Variants in FAR2 observed in about 807,000 individuals in gnomAD.
The protein encoded by FAR2 is epididymis secretory protein Li 81.
In FAR2, 19 loss-of-function variants were observed where a neutral mutation model predicts 56.0. The observed-to-expected ratio is 0.34, with a 90% CI of 0.24 to 0.50. The LOEUF is 0.50. Among genes scored for constraint, FAR2 ranks in the 20% least tolerant of loss-of-function variants. FAR2 has a pLI of 0.98. For synonymous variants in FAR2, 219 were observed against 218.8 expected (o/e 1.00, Z -0.01); for missense variants, 508 against 642.2 (o/e 0.79, Z 2.26).
intron 5 of FAR2, among the ~76,000 whole-genome samples, chr12:29,308,981 A>C (rs1037030721): frequency 6.6e-6 from 1 of 152,098 alleles, no homozygotes; most frequent in Non-Finnish European, 1.5e-5. Flanking sequence ...GCAAAATTCT[A>C]ATTTTTGCAC....
chr12:29,290,082 C>A (rs1377142641), intron 2 of FAR2, among the ~76,000 whole-genome samples: 3 of 152,166 alleles, frequency 2.0e-5, no homozygotes, highest in Non-Finnish European at 4.4e-5. Flanking sequence ...CCCTCATATG[C>A]TGTTGGTAGG....
At chr12:29,309,141 C>A (rs776021493) in intron 5 of FAR2, 45 bp from the exon 6 acceptor site, 1 of 1,432,276 alleles carries the variant, frequency 7.0e-7, no homozygotes, top group Non-Finnish European at 9.8e-7. Context: ...AAAGATAAAA[C>A]AATTTTCTGA....
Position 29,335,074 on chromosome 12 carries a change from A to C in FAR2, c.*1280A>C, listed in dbSNP as rs907188369. On this transcript the variant is annotated 3_prime_UTR_variant, in exon 12 of 12. Transcript: ENST00000536681. Reference sequence around the variant, plus strand: ...TATTCAAATATAGTACTTGGGGCCTAAACAACTAAAATTAGTCACCGCATA... The same window carrying C: ...TATTCAAATATAGTACTTGGGGCCTCAACAACTAAAATTAGTCACCGCATA... 1 of 152,192 alleles carries C rather than the reference A, an allele frequency of 6.6e-6. No individual in the cohort carries two copies. The highest frequency in any genetic ancestry group is 2.4e-5 in the African/African-American group (1 of 41,466). The allele number at this position is 152,192 out of a possible 1,614,324, so 9.4% of individuals were successfully genotyped here.
At chr12:29,248,719 C>T (rs1948165456) in intron 1 of FAR2, among the ~76,000 whole-genome samples, 1 of 152,172 alleles carries the variant, frequency 6.6e-6, no homozygotes, top group Non-Finnish European at 1.5e-5. Context: ...CTATGGGAGA[C>T]TGGGATCTAT....
intron 4 of FAR2, chr12:29,302,156 G>C (rs1949179141): frequency 1.3e-5 from 2 of 149,784 alleles, no homozygotes; most frequent in Non-Finnish European, 2.9e-5. Context: ...CGTGAACCCG[G>C]GAGGCAGAGC....
At chr12:29,301,456 G>A (rs1447161478) in intron 4 of FAR2, among the ~76,000 whole-genome samples, 1 of 152,192 alleles carries the variant, frequency 6.6e-6, no homozygotes, top group African/African-American at 2.4e-5. Context: ...AGCTTATGTA[G>A]AATGTTTATT....
chr12:29,292,898 C>T (rs1442833751), intron 2 of FAR2, among the ~76,000 whole-genome samples: 2 of 152,130 alleles, frequency 1.3e-5, no homozygotes, highest in African/African-American at 4.8e-5. Flanking sequence ...TGGGCACATT[C>T]TCAACAAAGA....
intron 1 of FAR2, among the ~76,000 whole-genome samples, chr12:29,229,360 C>T (rs1321580425): frequency 6.6e-6 from 1 of 152,166 alleles, no homozygotes; most frequent in African/African-American, 2.4e-5. Context: ...GCTTTAAATT[C>T]ATGACCTACC....
intron 10 of FAR2, 59 bp from the exon 11 acceptor site, chr12:29,332,541 G>A: frequency 6.2e-7 from 1 of 1,604,410 alleles, no homozygotes; most frequent in East Asian, 2.2e-5. Context: ...ACCTCAAGTG[G>A]ACAAAGTGAC....
At chr12:29,194,567 A>G (rs933961607) in intron 1 of FAR2, among the ~76,000 whole-genome samples, 1 of 135,452 alleles carries the variant, frequency 7.4e-6, no homozygotes, top group Admixed American at 7.9e-5. Flanking sequence ...ACACCACAGG[A>G]GGGTATGAAG....
intron 1 of FAR2, among the ~76,000 whole-genome samples, chr12:29,240,973 T>A (rs1565484370): frequency 6.6e-6 from 1 of 152,024 alleles, no homozygotes; most frequent in Non-Finnish European, 1.5e-5. Flanking sequence ...ATCCAGCTAG[T>A]TTTTGTATTT....
intron 1 of FAR2, among the ~76,000 whole-genome samples, chr12:29,263,064 A>T (rs1325895833): frequency 6.6e-6 from 1 of 152,250 alleles, no homozygotes; most frequent in African/African-American, 2.4e-5. Flanking sequence ...ATGTCATTAT[A>T]TAATGATAAA....
chr12:29,237,351 G>A (rs1224576943), intron 1 of FAR2, among the ~76,000 whole-genome samples: 5 of 152,162 alleles, frequency 3.3e-5, no homozygotes, highest in Non-Finnish European at 5.9e-5. Context: ...CAAAAGCAAT[G>A]GTGGGTCAAA....
Position 29,324,216 on chromosome 12 carries a change from C to T in FAR2, c.1257+2292C>T, listed in dbSNP as rs138019597. ...TTAGAGAAAAAAGAATAAAAAGAAA[C>T]GACCAAAGCCTCCAAGAAATATGGG... On this transcript the variant is annotated intron_variant, in intron 10 of 11. Transcript: ENST00000536681. Among the ~76,000 whole-genome samples, 407 of 152,180 alleles carry T rather than the reference C, an allele frequency of 2.7e-3. 6 individuals are homozygous for T. The East Asian group carries it at 0.051, about 19-fold the overall frequency.
chr12:29,310,842 T>A (rs1377039554), intron 6 of FAR2, among the ~76,000 whole-genome samples, 186 bp from the exon 7 acceptor site: 2 of 152,184 alleles, frequency 1.3e-5, no homozygotes, highest in Non-Finnish European at 2.9e-5. Flanking sequence ...TGGAGACGCA[T>A]GCACTTGGCT....
chr12:29,192,353 G>T (rs777898338), intron 1 of FAR2, among the ~76,000 whole-genome samples: 5 of 152,136 alleles, frequency 3.3e-5, no homozygotes, highest in Non-Finnish European at 7.4e-5. Context: ...CCCCTACAAG[G>T]TTTCAGAGTA....
At chr12:29,174,978 T>C (rs927565887) in intron 1 of FAR2, among the ~76,000 whole-genome samples, 3 of 152,154 alleles carry the variant, frequency 2.0e-5, no homozygotes, top group Admixed American at 1.3e-4. Context: ...TGGAACCTGG[T>C]TCCAGGCAAA....
At chr12:29,318,021 A>G (rs1423384921) in intron 9 of FAR2, among the ~76,000 whole-genome samples, 2 of 152,238 alleles carry the variant, frequency 1.3e-5, no homozygotes. Context: ...ATACGCCTTT[A>G]TCTGTCTCGC....
At chr12:29,329,984 A>C (rs1949706771) in intron 10 of FAR2, among the ~76,000 whole-genome samples, 1 of 151,692 alleles carries the variant, frequency 6.6e-6, no homozygotes, top group Admixed American at 6.6e-5. Flanking sequence ...AGGAAAATAT[A>C]GTTTCATAGG....
Sources: allele counts gnomAD v4.1 joint callset (sites outside exome capture counted in the v4.1 genomes callset), GRCh38; gene constraint gnomAD v4.1.1; transcripts MANE v1.5; gene names NCBI Gene and HGNC (gene_info 2026-07-23, HGNC 2026-07-21).